The following PTPN2 variants were observed in gnomAD, a reference collection of about 807,000 sequenced individuals.
PTPN2 encodes the protein protein tyrosine phosphatase non-receptor type 2, also known as tyrosine-protein phosphatase non-receptor type 2.
In PTPN2, 19 loss-of-function variants were observed where a neutral mutation model predicts 57.3. The observed-to-expected ratio is 0.33, with a 90% confidence interval of 0.23 to 0.49. The LOEUF (loss-of-function observed/expected upper bound fraction) is 0.49. Among genes scored for constraint, PTPN2 ranks in the 20% least tolerant of loss-of-function variants. The probability of loss-of-function intolerance (pLI) is 0.99; values close to 1 mark genes in which losing one functional copy is unlikely to be tolerated. For synonymous variants in PTPN2, 153 were observed against 164.9 expected, an observed-to-expected ratio of 0.93 and a Z score of 0.55; for missense variants, 358 against 501.1, an observed-to-expected ratio of 0.71 and a Z score of 2.73.
At chr18:12,828,338 G>A (rs1392087491) in intron 4 of PTPN2, among the ~76,000 whole-genome samples, 1 of 152,182 alleles carries the variant, frequency 6.6e-6, no homozygotes, top group African/African-American at 2.4e-5. Context: ...AATAATGCTT[G>A]CTTGTAGAAC....
At chr18:12,834,406 T>C (rs1348307249) in intron 3 of PTPN2, among the ~76,000 whole-genome samples, 3 of 152,150 alleles carry the variant, frequency 2.0e-5, no homozygotes, top group African/African-American at 7.2e-5. Context: ...GTAATACTAT[T>C]TACCACAGAG....
intron 7 of PTPN2, among the ~76,000 whole-genome samples, chr18:12,809,759 T>C (rs2041826885): frequency 6.6e-6 from 1 of 152,238 alleles, no homozygotes; most frequent in Non-Finnish European, 1.5e-5. Flanking sequence ...GTTACTCTTG[T>C]GCAATATGGT....
At chr18:12,822,254 T>G (rs576461701) in intron 5 of PTPN2, among the ~76,000 whole-genome samples, 1 of 152,172 alleles carries the variant, frequency 6.6e-6, no homozygotes. Flanking sequence ...AATTAGAGAC[T>G]CTCATCTTGC....
exon 10 of PTPN2, chr18:12,785,689 T>C: frequency 2.5e-6 from 2 of 788,402 alleles, no homozygotes; most frequent in Non-Finnish European, 4.3e-6. Context: ...AAGTTTACTT[T>C]GTAAACAAAC....
intron 1 of PTPN2, chr18:12,880,357 T>C (rs923501246): frequency 6.6e-6 from 1 of 152,226 alleles, no homozygotes; most frequent in Admixed American, 6.5e-5. Context: ...GAATTTACAC[T>C]GTGAGCAACG....
chr18:12,878,696 A>G (rs1475079361), intron 1 of PTPN2, among the ~76,000 whole-genome samples: 1 of 152,144 alleles, frequency 6.6e-6, no homozygotes, highest in African/African-American at 2.4e-5. Context: ...GAAGTCAGTC[A>G]GGAGTTCCAT....
chr18:12,866,380 G>A (rs906717102), intron 1 of PTPN2, among the ~76,000 whole-genome samples: 1 of 152,098 alleles, frequency 6.6e-6, no homozygotes, highest in Non-Finnish European at 1.5e-5. Context: ...GGGGCTTGCA[G>A]TGAGCCAAGA....
intron 4 of PTPN2, among the ~76,000 whole-genome samples, chr18:12,828,650 G>A (rs1292040380): frequency 6.6e-6 from 1 of 152,148 alleles, no homozygotes; most frequent in Non-Finnish European, 1.5e-5. Context: ...AATTTGAACT[G>A]GGAATATCAT....
intron 7 of PTPN2, among the ~76,000 whole-genome samples, chr18:12,813,752 T>C (rs1198746361): frequency 6.6e-6 from 1 of 152,220 alleles, no homozygotes; most frequent in African/African-American, 2.4e-5. Flanking sequence ...GCAGTAAAAA[T>C]AGCTTAATGA....
intron 2 of PTPN2, among the ~76,000 whole-genome samples, chr18:12,851,602 C>A (rs2145445440): frequency 6.6e-6 from 1 of 152,184 alleles, no homozygotes; most frequent in Non-Finnish European, 1.5e-5. Context: ...CCCCAAAATT[C>A]TATTCATTTT....
chr18:12,833,830 G>T (rs1421805969), intron 3 of PTPN2, among the ~76,000 whole-genome samples: 3 of 152,152 alleles, frequency 2.0e-5, no homozygotes, highest in Admixed American at 6.6e-5. Context: ...CAATCCCAAT[G>T]AGAAAAATAG....
intron 8 of PTPN2, among the ~76,000 whole-genome samples, chr18:12,800,347 T>C (rs1598739228): frequency 6.6e-6 from 1 of 152,046 alleles, no homozygotes; most frequent in African/African-American, 2.4e-5. Flanking sequence ...ATTCTGCAGA[T>C]AGTACTAGAT....
At chr18:12,808,212 T>G (rs2041758538) in intron 7 of PTPN2, among the ~76,000 whole-genome samples, 1 of 151,996 alleles carries the variant, frequency 6.6e-6, no homozygotes, top group Non-Finnish European at 1.5e-5. Context: ...ACATACACAT[T>G]TTATATACAC....
chr18:12,874,659 A>C (rs1305422956), intron 1 of PTPN2, among the ~76,000 whole-genome samples: 1 of 144,288 alleles, frequency 6.9e-6, no homozygotes, highest in African/African-American at 2.6e-5. Flanking sequence ...CCGCCCGGCC[A>C]GCCGCCCCGT....
intron 3 of PTPN2, among the ~76,000 whole-genome samples, chr18:12,833,489 G>A (rs2042740839): frequency 6.6e-6 from 1 of 152,186 alleles, no homozygotes; most frequent in African/African-American, 2.4e-5. Flanking sequence ...AGGAAAGGCT[G>A]GGAAGGAAAC....
chr18:12,803,407 T>G (rs1435142479), intron 7 of PTPN2, among the ~76,000 whole-genome samples: 1 of 152,132 alleles, frequency 6.6e-6, no homozygotes, highest in Non-Finnish European at 1.5e-5. Flanking sequence ...TACCCTTGAA[T>G]GTAAATAGAT....
At chr18:12,814,033 A>G (rs114842044) in intron 7 of PTPN2, among the ~76,000 whole-genome samples, 170 bp downstream of exon 7, 2,061 of 152,312 alleles carry the variant, frequency 0.014, 51 homozygotes, top group African/African-American at 0.047. Context: ...GGCTGAGTAT[A>G]TATGAGGAAG....
chr18:12,828,421 T>A (rs1236256256), intron 4 of PTPN2, among the ~76,000 whole-genome samples: 2 of 152,128 alleles, frequency 1.3e-5, no homozygotes, highest in Non-Finnish European at 2.9e-5. Flanking sequence ...AGGAAGAGAA[T>A]GAAAAAAATA....
At chr18:12,804,631 C>T (rs912592263) in intron 7 of PTPN2, among the ~76,000 whole-genome samples, 1 of 151,972 alleles carries the variant, frequency 6.6e-6, no homozygotes. Flanking sequence ...ATTGAAAAGC[C>T]TAGAGGAAAT....
Sources: allele counts gnomAD v4.1 joint callset (sites outside exome capture counted in the v4.1 genomes callset), GRCh38; gene constraint gnomAD v4.1.1; transcripts MANE v1.5; gene names NCBI Gene and HGNC (gene_info 2026-07-23, HGNC 2026-07-21).